The following ADGRV1 variants were observed in gnomAD, a reference collection of about 807,000 sequenced individuals.
ADGRV1 encodes the protein G-protein coupled receptor 98.
ADGRV1 carries 359 observed loss-of-function variants against 596.2 expected under a neutral mutation model. The observed-to-expected ratio is 0.60, with a 90% CI of 0.55 to 0.66. The LOEUF is 0.66. ADGRV1 is among the 30% of genes least tolerant of loss of function. ADGRV1 has a pLI of 0.00. For missense variants in ADGRV1, 7,274 were observed against 7,575.6 expected (o/e 0.96, Z 1.48); for synonymous variants, 2,681 against 2,679.2 (o/e 1.00, Z -0.02).
intron 44 of ADGRV1, among the ~76,000 whole-genome samples, 191 bp downstream of exon 44, chr5:90,720,414 C>T (rs2149768734): frequency 6.6e-6 from 1 of 152,266 alleles, no homozygotes; most frequent in South Asian, 2.1e-4. Context: ...CCTAAACTCA[C>T]CCTGTTATTA....
At chr5:90,575,769 C>T (rs761684774) in intron 1 of ADGRV1, among the ~76,000 whole-genome samples, 5 of 152,104 alleles carry the variant, frequency 3.3e-5, no homozygotes, top group African/African-American at 4.8e-5. Flanking sequence ...TCCCAGAGGG[C>T]TTACATGGGG....
At chr5:90,762,719 C>A (rs1756641105) in intron 58 of ADGRV1, 1 of 152,188 alleles carries the variant, frequency 6.6e-6, no homozygotes, top group South Asian at 2.1e-4. Flanking sequence ...AGTAGGTACA[C>A]CATAATTCAG....
Position 90,681,879 on chromosome 5 carries a change from T to C in ADGRV1, c.5664+425T>C, listed in dbSNP as rs572195986. 1.8e-3 allele frequency among the ~76,000 whole-genome samples: 276 copies of C among 150,264 alleles called. 2 individuals carry two copies. The highest frequency in any genetic ancestry group is 2.3e-3 in the Non-Finnish European group (158 of 67,700). ...CTTCCTTCCTTCCTTTCTTTCTTTC[T>C]TTTTTCGAGACGGAGTTTCGCTCTT... is the stretch of plus-strand genomic sequence containing the variant. On this transcript the variant is annotated intron_variant, in intron 27 of 89. Coordinates refer to ENST00000405460, the MANE Select transcript of ADGRV1 (RefSeq NM_032119.4).
chr5:91,038,900 C>T (rs553980616), intron 85 of ADGRV1, among the ~76,000 whole-genome samples: 1 of 152,208 alleles, frequency 6.6e-6, no homozygotes, highest in South Asian at 2.1e-4. Flanking sequence ...ATTTTCCTAC[C>T]AGTATGATCC....
intron 87 of ADGRV1, among the ~76,000 whole-genome samples, chr5:91,113,626 A>G (rs577832278): frequency 1.3e-5 from 2 of 152,368 alleles, no homozygotes; most frequent in Admixed American, 1.3e-4. Context: ...GTATGATTAG[A>G]AAAAGAAATA....
intron 70 of ADGRV1, among the ~76,000 whole-genome samples, chr5:90,793,481 A>G (rs1760310662): frequency 6.6e-6 from 1 of 152,196 alleles, no homozygotes; most frequent in Admixed American, 6.5e-5. Flanking sequence ...TAGATATTGT[A>G]TTGTTTTACT....
chr5:90,833,752 T>C (rs1324501381), intron 77 of ADGRV1, among the ~76,000 whole-genome samples: 6 of 152,210 alleles, frequency 3.9e-5, no homozygotes, highest in African/African-American at 1.4e-4. Context: ...TTTTAAATAC[T>C]GCAACTTTAC....
chr5:90,584,281 T>C (rs1758458194), intron 1 of ADGRV1, among the ~76,000 whole-genome samples: 1 of 152,212 alleles, frequency 6.6e-6, no homozygotes, highest in East Asian at 1.9e-4. Context: ...TTTTTTTCCT[T>C]AGCTCCTTTT....
At chr5:90,846,287 A>AT (rs1765868214) in intron 78 of ADGRV1, 1 of 151,930 alleles carries the variant, frequency 6.6e-6, no homozygotes, top group Non-Finnish European at 1.5e-5. Context: ...ATAAAGTTAC[A>AT]TGCAAGTTAC....
At chr5:90,603,721 A>T (rs73179757) in intron 1 of ADGRV1, among the ~76,000 whole-genome samples, 4 of 151,826 alleles carry the variant, frequency 2.6e-5, no homozygotes, top group Admixed American at 2.6e-4. Flanking sequence ...TTGGGGCCCA[A>T]CACCCCAGGA....
intron 86 of ADGRV1, 95 bp from the exon 87 acceptor site, chr5:91,102,124 A>C: frequency 1.8e-6 from 2 of 1,116,680 alleles, no homozygotes; most frequent in East Asian, 2.6e-5. Context: ...CAAAATGGGC[A>C]CTAGAATACC....
chr5:90,595,574 A>C (rs1408891151), intron 1 of ADGRV1, among the ~76,000 whole-genome samples: 168 of 68,464 alleles, frequency 2.5e-3, no homozygotes, highest in Admixed American at 3.4e-3. Context: ...CTGACCCCCC[A>C]ACCTCCCTCC....
intron 1 of ADGRV1, among the ~76,000 whole-genome samples, chr5:90,576,210 C>T (rs1757178438): frequency 6.6e-6 from 1 of 151,976 alleles, no homozygotes; most frequent in Non-Finnish European, 1.5e-5. Flanking sequence ...GTTTGCTGCA[C>T]CCATCAACCC....
At chr5:90,881,793 T>C (rs1769806359) in intron 83 of ADGRV1, among the ~76,000 whole-genome samples, 1 of 152,142 alleles carries the variant, frequency 6.6e-6, no homozygotes, top group Non-Finnish European at 1.5e-5. Flanking sequence ...GGTATGATCA[T>C]AGATTATTGC....
At chr5:90,654,867 A>G (rs1769175822) in intron 20 of ADGRV1, 1 of 152,154 alleles carries the variant, frequency 6.6e-6, no homozygotes, top group African/African-American at 2.4e-5. Flanking sequence ...ACCTACAAGT[A>G]TCTGTTAGCC....
chr5:90,644,967 A>G (rs1706887172), intron 15 of ADGRV1, 98 bp downstream of exon 15: 1 of 902,544 alleles, frequency 1.1e-6, no homozygotes, highest in Non-Finnish European at 1.6e-6. Context: ...TTTTGTGATA[A>G]AAGTTTGTAA....
At chr5:90,925,053 A>G (rs1481301289) in intron 83 of ADGRV1, among the ~76,000 whole-genome samples, 4 of 151,932 alleles carry the variant, frequency 2.6e-5, no homozygotes, top group African/African-American at 9.7e-5. Context: ...TATAGTTTGA[A>G]GTCAGGTAGT....
intron 88 of ADGRV1, 92 bp from the exon 89 acceptor site, chr5:91,153,129 G>C (rs951136919): frequency 3.0e-6 from 3 of 1,009,282 alleles, no homozygotes; most frequent in Non-Finnish European, 4.5e-6. Context: ...TTTGTACGGA[G>C]AGGCAGAGAT....
At chr5:90,621,698 C>G (rs751512252) in intron 4 of ADGRV1, among the ~76,000 whole-genome samples, 11 of 152,018 alleles carry the variant, frequency 7.2e-5, no homozygotes, top group Non-Finnish European at 1.5e-4. Context: ...TGGTGGGGGT[C>G]TCAGTGCTGC....
Sources: allele counts gnomAD v4.1 joint callset (sites outside exome capture counted in the v4.1 genomes callset), GRCh38; gene constraint gnomAD v4.1.1; transcripts MANE v1.5; gene names NCBI Gene and HGNC (gene_info 2026-07-23, HGNC 2026-07-21).